GRID1: variants seen among roughly 807,000 people sequenced by gnomAD.
GRID1 encodes the protein glutamate receptor ionotropic, delta-1.
In GRID1, 28 loss-of-function variants were observed where a neutral mutation model predicts 98.0. The observed-to-expected ratio is 0.29, with a 90% confidence interval of 0.21 to 0.39. The LOEUF (loss-of-function observed/expected upper bound fraction) is 0.39. GRID1 is among the 10% of genes least tolerant of loss of function. The pLI is 1.00. For synonymous variants in GRID1, 553 were observed against 538.5 expected, an observed-to-expected ratio of 1.03 and a Z score of -0.37; for missense variants, 1,111 against 1,340.5, an observed-to-expected ratio of 0.83 and a Z score of 2.67.
rs1178295212 is a variant in GRID1, at chr10:85,962,588, ACAGCTCC to A, written c.727-46356_727-46350del. Among the ~76,000 whole-genome samples the A allele has an allele frequency of 5.3e-5, 8 of 152,266 alleles. 1 individual carries two copies. The South Asian group carries it at 1.5e-3, about 28-fold the overall frequency. Reference sequence around the variant, plus strand: ...CACAACCTGGCCTCAAGGCACACTAACAGCTCCCAGTGGGGATCCTAGAATGCAAGAT... The same window carrying A: ...CACAACCTGGCCTCAAGGCACACTAACAGTGGGGATCCTAGAATGCAAGAT... On this transcript the variant is annotated intron_variant, in intron 4 of 15. Transcript: ENST00000327946.
chr10:86,101,863 A>G (rs2131945374), intron 4 of GRID1, among the ~76,000 whole-genome samples: 1 of 152,240 alleles, frequency 6.6e-6, no homozygotes, highest in East Asian at 1.9e-4. Context: ...TATGGGGCTC[A>G]GGCTGGTCTC....
intron 4 of GRID1, among the ~76,000 whole-genome samples, chr10:86,132,169 G>C (rs1186934781): frequency 6.6e-6 from 1 of 152,108 alleles, no homozygotes; most frequent in African/African-American, 2.4e-5. Context: ...CACCGGGACA[G>C]AGCTCACAGC....
At chr10:86,076,828 C>A (rs536060820) in intron 4 of GRID1, among the ~76,000 whole-genome samples, 2 of 137,076 alleles carry the variant, frequency 1.5e-5, no homozygotes, top group African/African-American at 5.4e-5. Context: ...AACCTTTGGC[C>A]TTCCTTGGCT....
chr10:85,868,894 A>C, intron 6 of GRID1, 116 bp downstream of exon 6: 62 of 743,088 alleles, frequency 8.3e-5, no homozygotes, highest in Middle Eastern at 4.0e-4. Flanking sequence ...AACAAATGAC[A>C]GAGCTCTAGT....
chr10:85,867,590 AT>A, intron 6 of GRID1, among the ~76,000 whole-genome samples: 1 of 152,370 alleles, frequency 6.6e-6, no homozygotes, highest in South Asian at 2.1e-4. Flanking sequence ...GGCCTTCGCC[AT>A]TTCTTCCAGA....
intron 4 of GRID1, among the ~76,000 whole-genome samples, chr10:86,025,822 G>A (rs955841972): frequency 2.0e-5 from 3 of 152,154 alleles, no homozygotes; most frequent in African/African-American, 7.2e-5. Flanking sequence ...TTTGGGACCT[G>A]GAATAATGCC....
chr10:85,912,305 C>A lies in GRID1; in HGVS notation c.780+3881G>T, dbSNP rs566577269. Among the ~76,000 whole-genome samples, 23 of 152,308 alleles carry A rather than the reference C, an allele frequency of 1.5e-4. 1 individual carries two copies. Among genetic ancestry groups the A allele is most frequent in the African/African-American group, 5.1e-4 (21 of 41,568 alleles). On this transcript the variant is annotated intron_variant, in intron 5 of 15. Coordinates refer to ENST00000327946, the MANE Select transcript of GRID1 (RefSeq NM_017551.3). The stretch of plus-strand genomic sequence containing the variant: ...AATACTTCTAGCAGATATAAAAACA[C>A]ATCCGCTCTCCAGTGTCCCCACAGT...
intron 8 of GRID1, among the ~76,000 whole-genome samples, chr10:85,773,874 A>C (rs1779014450): frequency 1.3e-5 from 2 of 152,230 alleles, no homozygotes; most frequent in Non-Finnish European, 2.9e-5. Context: ...AGGAAGAATC[A>C]ATATCATGAA....
At chr10:85,712,727 C>T (rs766154779) in intron 12 of GRID1, among the ~76,000 whole-genome samples, 6 of 151,708 alleles carry the variant, frequency 4.0e-5, no homozygotes, top group Non-Finnish European at 7.4e-5. Context: ...AGTATCTTCA[C>T]CAGCCACAAT....
chr10:86,014,481 G>A (rs1359825337), intron 4 of GRID1, among the ~76,000 whole-genome samples: 1 of 152,180 alleles, frequency 6.6e-6, no homozygotes, highest in Non-Finnish European at 1.5e-5. Flanking sequence ...CATATACATG[G>A]TCATGCCTGT....
At chr10:85,946,603 G>T (rs576700977) in intron 4 of GRID1, among the ~76,000 whole-genome samples, 1 of 152,328 alleles carries the variant, frequency 6.6e-6, no homozygotes, top group Non-Finnish European at 1.5e-5. Flanking sequence ...TGAGAGACTT[G>T]AGTAACAGAG....
At chr10:85,699,728 T>C (rs1043443726) in intron 12 of GRID1, among the ~76,000 whole-genome samples, 3 of 152,214 alleles carry the variant, frequency 2.0e-5, no homozygotes, top group Admixed American at 6.5e-5. Context: ...ATTAGGCTTC[T>C]GGTGAATTCA....
intron 3 of GRID1, among the ~76,000 whole-genome samples, chr10:86,176,574 A>C (rs1315031336): frequency 1.3e-5 from 2 of 152,182 alleles, no homozygotes; most frequent in African/African-American, 4.8e-5. Flanking sequence ...GATCGTGCAA[A>C]AGAAGGGAGG....
chr10:86,147,068 A>G (rs554743664), intron 3 of GRID1, among the ~76,000 whole-genome samples: 1 of 152,292 alleles, frequency 6.6e-6, no homozygotes, highest in South Asian at 2.1e-4. Context: ...AGGTGAGTAG[A>G]ATGATGGTGT....
rs189289714 is a variant in GRID1, at chr10:85,842,156, A to T, written c.1233+12340T>A. Among the ~76,000 whole-genome samples the T allele has an allele frequency of 8.5e-4, 129 of 152,206 alleles. 1 individual carries two copies. In the East Asian group the frequency reaches 0.023, roughly 27 times the overall value. ...ATACTATGCAGCCACAAAAAAGAAC[A>T]AGATCATGTCCCTTGCAAGGACATG... On this transcript the variant is annotated intron_variant, in intron 8 of 15. Coordinates refer to ENST00000327946, the MANE Select transcript of GRID1 (RefSeq NM_017551.3).
At chr10:86,254,299 G>A (rs1179049991) in intron 2 of GRID1, among the ~76,000 whole-genome samples, 1 of 152,168 alleles carries the variant, frequency 6.6e-6, no homozygotes, top group Non-Finnish European at 1.5e-5. Context: ...CTTGCCTTCT[G>A]GAGGTAACCA....
At chr10:85,752,007 G>C (rs1324644932) in intron 8 of GRID1, among the ~76,000 whole-genome samples, 1 of 152,176 alleles carries the variant, frequency 6.6e-6, no homozygotes, top group Non-Finnish European at 1.5e-5. Flanking sequence ...AGTCAGGTTA[G>C]AGCCACATCT....
intron 13 of GRID1, among the ~76,000 whole-genome samples, chr10:85,631,732 T>C (rs973128667): frequency 2.6e-5 from 4 of 152,112 alleles, no homozygotes; most frequent in African/African-American, 9.7e-5. Context: ...TAAACAATAA[T>C]CTAATCTGAG....
chr10:86,033,122 C>A (rs889313337), intron 4 of GRID1, among the ~76,000 whole-genome samples: 1 of 151,936 alleles, frequency 6.6e-6, no homozygotes, highest in Admixed American at 6.6e-5. Flanking sequence ...AGCTTTGTGG[C>A]CTTTGCTCTT....
Sources: allele counts gnomAD v4.1 joint callset (sites outside exome capture counted in the v4.1 genomes callset), GRCh38; gene constraint gnomAD v4.1.1; transcripts MANE v1.5; gene names NCBI Gene and HGNC (gene_info 2026-07-23, HGNC 2026-07-21).